Variants in TENM2 observed in about 807,000 individuals in gnomAD.
TENM2 encodes teneurin-2.
A neutral mutation model predicts 245.2 loss-of-function variants in TENM2; 52 were observed. That is an observed-to-expected ratio of 0.21 (90% confidence interval 0.17 to 0.27). TENM2 has a LOEUF of 0.27. Ranked by LOEUF, TENM2 falls within the 10% of genes least tolerant of loss-of-function variation. The pLI is 1.00. For missense variants in TENM2, 3,046 were observed against 3,666.8 expected, an observed-to-expected ratio of 0.83 and a Z score of 4.37; for synonymous variants, 1,363 against 1,438.9, an observed-to-expected ratio of 0.95 and a Z score of 1.19.
the TENM2 span, among the ~76,000 whole-genome samples, chr5:167,171,000 A>G: frequency 1.3e-5 from 2 of 152,234 alleles, no homozygotes; most frequent in East Asian, 1.9e-4. Flanking sequence ...GGGCTGGCCC[A>G]TCCTCTTCCC....
intron 3 of TENM2, among the ~76,000 whole-genome samples, chr5:167,891,437 T>C (rs1774748664): frequency 6.6e-6 from 1 of 152,112 alleles, no homozygotes; most frequent in Admixed American, 6.6e-5. Context: ...CTTTCCTAGC[T>C]GGACTTCTTA....
intron 2 of TENM2, among the ~76,000 whole-genome samples, chr5:167,383,413 A>G (rs1432539590): frequency 2.0e-5 from 3 of 152,128 alleles, no homozygotes; most frequent in Non-Finnish European, 4.4e-5. Context: ...TGTAAGTCAG[A>G]ATCCACAGAA....
intron 2 of TENM2, among the ~76,000 whole-genome samples, chr5:167,704,394 A>G (rs1181089454): frequency 6.6e-6 from 1 of 152,126 alleles, no homozygotes; most frequent in Non-Finnish European, 1.5e-5. Context: ...ATCCAACAGG[A>G]GCCATTCCTA....
At chr5:167,119,734 G>A in the TENM2 span, 10 of 152,320 alleles carry the variant, frequency 6.6e-5, no homozygotes, top group South Asian at 2.1e-4. Context: ...CCTGAATTTC[G>A]GAGGTGACAC....
chr5:167,613,327 AC>A (rs141001877), intron 2 of TENM2, among the ~76,000 whole-genome samples: 4,419 of 152,232 alleles, frequency 0.029, 91 homozygotes, highest in Non-Finnish European at 0.037. Flanking sequence ...ATCATCACAA[AC>A]CAGGGCTGTA....
At chr5:167,083,892 T>C in the TENM2 span, among the ~76,000 whole-genome samples, 1 of 152,112 alleles carries the variant, frequency 6.6e-6, no homozygotes, top group East Asian at 1.9e-4. Context: ...ATAATTCTGT[T>C]CTAGACTGTG....
At chr5:167,477,244 TTTCTGTG>T (rs2127522764) in intron 2 of TENM2, among the ~76,000 whole-genome samples, 1 of 146,004 alleles carries the variant, frequency 6.8e-6, no homozygotes, top group East Asian at 2.1e-4. Context: ...GAATTTTTTT[TTTCTGTG>T]AGTGAATAAT....
the TENM2 span, among the ~76,000 whole-genome samples, chr5:167,159,555 C>T: frequency 1.3e-5 from 2 of 152,086 alleles, no homozygotes; most frequent in African/African-American, 4.8e-5. Flanking sequence ...TGTATATGTA[C>T]TTCAAAGCAT....
chr5:167,995,453 A>C (rs914483399), intron 5 of TENM2, among the ~76,000 whole-genome samples: 1 of 152,208 alleles, frequency 6.6e-6, no homozygotes, highest in Non-Finnish European at 1.5e-5. Flanking sequence ...AGAGTATCAA[A>C]AAATAGTTTA....
At chr5:168,035,788 G>C (rs1204585369) in intron 5 of TENM2, among the ~76,000 whole-genome samples, 1 of 152,120 alleles carries the variant, frequency 6.6e-6, no homozygotes, top group African/African-American at 2.4e-5. Flanking sequence ...GCCAGATTTA[G>C]CAAACTTATA....
chr5:168,214,553 A>G (rs1445949122), intron 20 of TENM2, among the ~76,000 whole-genome samples: 1 of 152,218 alleles, frequency 6.6e-6, no homozygotes, highest in African/African-American at 2.4e-5. Flanking sequence ...GGTGCTTCCC[A>G]TGATAAAATT....
At chr5:167,702,495 C>G (rs1758205165) in intron 2 of TENM2, among the ~76,000 whole-genome samples, 1 of 148,854 alleles carries the variant, frequency 6.7e-6, no homozygotes. Context: ...TAGAATTTCA[C>G]TTTGTTTTAA....
chr5:167,323,649 T>G (rs953454001), intron 1 of TENM2, among the ~76,000 whole-genome samples: 1 of 152,192 alleles, frequency 6.6e-6, no homozygotes, highest in Non-Finnish European at 1.5e-5. Flanking sequence ...GCCTGAAATT[T>G]CAGAAGTATC....
intron 10 of TENM2, among the ~76,000 whole-genome samples, chr5:168,122,103 T>G (rs1462366515): frequency 6.6e-6 from 1 of 152,266 alleles, no homozygotes; most frequent in Non-Finnish European, 1.5e-5. Context: ...AACTGTGTAT[T>G]GAACACCTGG....
chr5:168,047,301 G>A (rs920478839), intron 5 of TENM2, 126 bp from the exon 8 acceptor site: 46 of 1,103,424 alleles, frequency 4.2e-5, no homozygotes, highest in Non-Finnish European at 6.0e-5. Flanking sequence ...GTGGCCTGGG[G>A]CAAGCCATTT....
chr5:167,698,727 C>T (rs550645128), intron 2 of TENM2, among the ~76,000 whole-genome samples: 1 of 146,102 alleles, frequency 6.8e-6, no homozygotes, highest in African/African-American at 2.6e-5. Context: ...TCTTTTGCCC[C>T]GGCTAGAGTG....
exon 10 of TENM2, chr5:168,118,468 G>A (rs1416082850): frequency 1.9e-6 from 3 of 1,560,696 alleles, no homozygotes; most frequent in Non-Finnish European, 2.6e-6. Flanking sequence ...TGGCTACAAA[G>A]GCGAGCACTG....
intron 15 of TENM2, among the ~76,000 whole-genome samples, chr5:168,196,302 G>A (rs2152522278): frequency 6.6e-6 from 1 of 152,238 alleles, no homozygotes; most frequent in African/African-American, 2.4e-5. Flanking sequence ...AGGAGTCTAA[G>A]GATTCATATC....
intron 2 of TENM2, among the ~76,000 whole-genome samples, chr5:167,436,490 T>C (rs958986986): frequency 1.3e-5 from 2 of 152,186 alleles, no homozygotes; most frequent in Non-Finnish European, 2.9e-5. Context: ...TGCAGCCTAA[T>C]AATGCGATAG....
Sources: allele counts gnomAD v4.1 joint callset (sites outside exome capture counted in the v4.1 genomes callset), GRCh38; gene constraint gnomAD v4.1.1; transcripts MANE v1.5; gene names NCBI Gene and HGNC (gene_info 2026-07-23, HGNC 2026-07-21).